GUCY1A2: variants seen among roughly 807,000 people sequenced by gnomAD.
GUCY1A2 encodes guanylate cyclase soluble subunit alpha-2.
In GUCY1A2, 27 loss-of-function variants were observed where a neutral mutation model predicts 63.5. The ratio of observed to expected loss-of-function variants is 0.43; its 90% CI spans 0.31 to 0.59. The LOEUF (loss-of-function observed/expected upper bound fraction) is 0.59, where lower values mean the gene tolerates loss of function less well. Ranked by LOEUF, GUCY1A2 falls within the 20% of genes least tolerant of loss-of-function variation. The probability of loss-of-function intolerance (pLI) is 0.11; values close to 1 mark genes in which losing one functional copy is unlikely to be tolerated. For missense variants in GUCY1A2, 768 were observed against 913.3 expected (o/e 0.84, Z 2.05); for synonymous variants, 364 against 343.5 (o/e 1.06, Z -0.66).
intron 4 of GUCY1A2, among the ~76,000 whole-genome samples, chr11:106,937,094 TC>T (rs1860689578): frequency 6.6e-6 from 1 of 152,192 alleles, no homozygotes. Context: ...GACCATAGTA[TC>T]AATTTGGGGC....
chr11:106,813,049 G>A (rs1404250946), intron 4 of GUCY1A2, among the ~76,000 whole-genome samples: 1 of 151,792 alleles, frequency 6.6e-6, no homozygotes. Context: ...ATCATTATTT[G>A]CATTTATTAA....
chr11:106,758,780 A>G (rs543721214), intron 6 of GUCY1A2, among the ~76,000 whole-genome samples: 1 of 152,356 alleles, frequency 6.6e-6, no homozygotes, highest in East Asian at 1.9e-4. Flanking sequence ...AAGCAGCAGC[A>G]TGTAGCATAG....
chr11:106,952,653 GT>G (rs34041419), intron 3 of GUCY1A2, among the ~76,000 whole-genome samples: 29 of 149,060 alleles, frequency 1.9e-4, no homozygotes, highest in African/African-American at 5.9e-4. Context: ...GATGATGAGG[GT>G]TTTTTTTTTC....
chr11:106,845,519 T>C (rs1158088654), intron 4 of GUCY1A2, among the ~76,000 whole-genome samples: 3 of 151,622 alleles, frequency 2.0e-5, no homozygotes, highest in African/African-American at 7.3e-5. Flanking sequence ...CTCTTCCATA[T>C]TGGAAGAAGT....
intron 4 of GUCY1A2, among the ~76,000 whole-genome samples, chr11:106,819,542 G>A (rs1203252261): frequency 6.6e-6 from 1 of 152,060 alleles, no homozygotes; most frequent in East Asian, 1.9e-4. Flanking sequence ...AAAAGATTAT[G>A]ACTTGATGAA....
At chr11:106,762,665 A>G (rs1369279870) in intron 6 of GUCY1A2, among the ~76,000 whole-genome samples, 1 of 152,046 alleles carries the variant, frequency 6.6e-6, no homozygotes, top group Non-Finnish European at 1.5e-5. Flanking sequence ...AATATTTTAC[A>G]TTTATTCTAA....
intron 3 of GUCY1A2, among the ~76,000 whole-genome samples, chr11:106,959,577 G>A (rs545465614): frequency 6.6e-6 from 1 of 152,344 alleles, no homozygotes; most frequent in South Asian, 2.1e-4. Flanking sequence ...TTCAGCTGAA[G>A]AGAGCTGCCG....
chr11:106,925,802 C>T (rs1411358641), intron 4 of GUCY1A2, among the ~76,000 whole-genome samples: 2 of 152,088 alleles, frequency 1.3e-5, no homozygotes, highest in African/African-American at 4.8e-5. Context: ...TTCACCTATG[C>T]CATTCCAAGA....
chr11:106,891,653 C>T (rs1338220900), intron 4 of GUCY1A2, among the ~76,000 whole-genome samples: 1 of 152,078 alleles, frequency 6.6e-6, no homozygotes, highest in Non-Finnish European at 1.5e-5. Flanking sequence ...GTTACTGCAA[C>T]ACTATTTAAT....
chr11:106,861,196 C>G (rs922653213), intron 4 of GUCY1A2, among the ~76,000 whole-genome samples: 1 of 151,940 alleles, frequency 6.6e-6, no homozygotes, highest in Non-Finnish European at 1.5e-5. Context: ...GACCTCATAA[C>G]CCCTTGAAAT....
chr11:106,921,344 T>C (rs1276226084), intron 4 of GUCY1A2, among the ~76,000 whole-genome samples: 1 of 151,990 alleles, frequency 6.6e-6, no homozygotes, highest in Non-Finnish European at 1.5e-5. Context: ...TTCTAAGATG[T>C]CCTTTCTGCA....
At chr11:106,986,026 C>T (rs1159039311) in intron 2 of GUCY1A2, 44 bp downstream of exon 2, 1 of 961,308 alleles carries the variant, frequency 1.0e-6, no homozygotes, top group Admixed American at 1.7e-5. Flanking sequence ...GAGTAATTAC[C>T]TTTAATTTGT....
At chr11:106,831,916 C>T (rs900942554) in intron 4 of GUCY1A2, among the ~76,000 whole-genome samples, 1 of 152,142 alleles carries the variant, frequency 6.6e-6, no homozygotes, top group Non-Finnish European at 1.5e-5. Flanking sequence ...CGCACCTCCT[C>T]CATACTAAGA....
chr11:106,774,758 T>C (rs1463100500), intron 6 of GUCY1A2, among the ~76,000 whole-genome samples: 1 of 152,198 alleles, frequency 6.6e-6, no homozygotes. Flanking sequence ...TATCTGAACT[T>C]AGTTATTGAT....
chr11:106,829,391 A>G (rs945213780), intron 4 of GUCY1A2, among the ~76,000 whole-genome samples: 2 of 152,178 alleles, frequency 1.3e-5, no homozygotes, highest in Non-Finnish European at 2.9e-5. Context: ...GAAACTAAAA[A>G]TGGCCTGACT....
chr11:106,818,154 A>G (rs971143918), intron 4 of GUCY1A2, among the ~76,000 whole-genome samples: 3 of 152,174 alleles, frequency 2.0e-5, no homozygotes, highest in African/African-American at 7.2e-5. Flanking sequence ...ACCTCATTTT[A>G]TTGTGCTTCA....
At chr11:106,689,067 AGGAG>A (rs2135334170) in intron 7 of GUCY1A2, among the ~76,000 whole-genome samples, 2 of 152,324 alleles carry the variant, frequency 1.3e-5, no homozygotes, top group East Asian at 3.9e-4. Flanking sequence ...AGCTCCAAGT[AGGAG>A]GCAGGTCGGG....
In GUCY1A2 at chr11:106,699,873, C is replaced by T. The variant is rs957494613; in HGVS notation, c.1991+8639G>A. Among the ~76,000 whole-genome samples, 8 of 151,982 alleles carry T rather than the reference C, an allele frequency of 5.3e-5. No individual in the cohort carries two copies. In the South Asian group the frequency reaches 1.7e-3, roughly 32 times the overall value. On this transcript the variant is annotated intron_variant, in intron 7 of 7. Transcript: ENST00000526355. ...CTCGGCTCACTGCAAGCTCCGCCTC[C>T]CAGGTTCACGCCATTCTCCTGCCTC...
chr11:106,733,908 C>T (rs1372926576), intron 6 of GUCY1A2, among the ~76,000 whole-genome samples: 1 of 152,076 alleles, frequency 6.6e-6, no homozygotes, highest in African/African-American at 2.4e-5. Context: ...CTCAACTCCT[C>T]CTAGGGGAGC....
Sources: gnomAD v4.1 joint callset for allele counts (sites outside exome capture counted in the v4.1 genomes callset) on GRCh38, gnomAD v4.1.1 for gene constraint, MANE v1.5 for transcripts, NCBI Gene and HGNC (gene_info 2026-07-23, HGNC 2026-07-21) for gene names.